AVEN: variants seen among roughly 807,000 people sequenced by gnomAD.
AVEN encodes apoptosis and caspase activation inhibitor, also known as cell death regulator Aven.
In AVEN, 41 loss-of-function variants were observed where a neutral mutation model predicts 38.1. The ratio of observed to expected loss-of-function variants is 1.08; its 90% CI spans 0.84 to 1.40. AVEN has a LOEUF of 1.40. Among genes scored for constraint, AVEN ranks in the 40% most tolerant of loss-of-function variants. The probability of loss-of-function intolerance (pLI) is 0.00; values close to 1 mark genes in which losing one functional copy is unlikely to be tolerated. For missense variants in AVEN, 605 were observed against 438.8 expected (o/e 1.38, Z -3.38); for synonymous variants, 206 against 171.8 (o/e 1.20, Z -1.56).
At chr15:33,926,322 T>C (rs1893605809) in intron 2 of AVEN, among the ~76,000 whole-genome samples, 1 of 152,148 alleles carries the variant, frequency 6.6e-6, no homozygotes, top group South Asian at 2.1e-4. Flanking sequence ...GAAAACAAAA[T>C]ACATCCCTAC....
At chr15:34,008,207 G>A (rs1597342807) in intron 1 of AVEN, among the ~76,000 whole-genome samples, 1 of 152,034 alleles carries the variant, frequency 6.6e-6, no homozygotes, top group African/African-American at 2.4e-5. Flanking sequence ...GATTGCTTGA[G>A]GCCAGGAGTT....
intron 2 of AVEN, among the ~76,000 whole-genome samples, chr15:33,898,093 G>A (rs998274951): frequency 3.9e-5 from 6 of 152,072 alleles, no homozygotes; most frequent in African/African-American, 1.4e-4. Context: ...GGAGGCTGAG[G>A]CAGGAGAATG....
chr15:33,872,395 T>C (rs1891008260), intron 3 of AVEN, among the ~76,000 whole-genome samples: 1 of 152,192 alleles, frequency 6.6e-6, no homozygotes, highest in South Asian at 2.1e-4. Flanking sequence ...TCAATCAGAC[T>C]ATTACATCCT....
At chr15:33,903,266 C>T (rs1892560524) in intron 2 of AVEN, among the ~76,000 whole-genome samples, 1 of 152,218 alleles carries the variant, frequency 6.6e-6, no homozygotes, top group Non-Finnish European at 1.5e-5. Flanking sequence ...GAGGCAGTAG[C>T]AGTGTCCACT....
chr15:33,859,726 T>C, intron 11 of AVEN: 1 of 1,607,440 alleles, frequency 6.2e-7, no homozygotes, highest in Non-Finnish European at 8.5e-7. Flanking sequence ...CTGGCCATCA[T>C]TCAAGGTATG....
At chr15:33,951,237 T>C (rs947784285) in intron 2 of AVEN, among the ~76,000 whole-genome samples, 9 of 152,150 alleles carry the variant, frequency 5.9e-5, no homozygotes, top group African/African-American at 2.2e-4. Flanking sequence ...GTTAAGTATT[T>C]TTTAGTCTCT....
intron 2 of AVEN, among the ~76,000 whole-genome samples, chr15:33,899,153 A>G (rs62014460): frequency 0.63 from 94,950 of 151,854 alleles, 30,206 homozygotes; most frequent in Middle Eastern, 0.73. Flanking sequence ...GACCACTGAG[A>G]GAGTTAACTG....
rs368098859 is a variant in AVEN at position 33,860,355 on chromosome 15, G to C, written n.2730-1261C>G. Among the ~76,000 whole-genome samples the C allele has an allele frequency of 3.9e-4, 59 of 152,304 alleles. 1 individual carries two copies. The South Asian group carries it at 0.011, about 28-fold the overall frequency. On this transcript the variant is annotated intron_variant and non_coding_transcript_variant, in intron 11 of 11. Coordinates refer to the AVEN transcript ENST00000675287. ...CAACCAGGGAGAAGTAGAAAGGAAA[G>C]AGTTTCAGGGAGGAGCAAGTAGTTA...
At chr15:33,864,245 A>T (rs1889613269), downstream of AVEN, 1 of 1,368,114 alleles carries the variant, frequency 7.3e-7, no homozygotes, top group Admixed American at 1.9e-5. Flanking sequence ...AAATCTTGAG[A>T]CTTAGTAGGG....
At position 34,062,554 on chromosome 15, in the gene AVEN, C is replaced by CAAAAA. The variant is rs10632153; in HGVS notation, n.1637+363_1637+367dup. 1,977 of 409,036 alleles carry CAAAAA rather than the reference C, an allele frequency of 4.8e-3. 1 individual carries two copies. Among genetic ancestry groups the CAAAAA allele is most frequent in the Non-Finnish European group, 5.8e-3 (1,445 of 249,578 alleles). 25.3% of individuals were successfully genotyped at this position (409,036 alleles called of 1,614,324 possible). On this transcript the variant is annotated intron_variant and non_coding_transcript_variant, in intron 5 of 11. Transcript: ENST00000675287. ...TGGGTGACAAAGCGAGATTCTGTCTCAAAAAAAAAAAAAAAAAAAACTATA... is the reference window on the plus strand; with the variant it reads ...TGGGTGACAAAGCGAGATTCTGTCTCAAAAAAAAAAAAAAAAAAAAAAAAACTATA...
intron 3 of AVEN, among the ~76,000 whole-genome samples, chr15:33,873,085 T>C (rs970014766): frequency 6.8e-6 from 1 of 146,952 alleles, no homozygotes; most frequent in Non-Finnish European, 1.5e-5. Flanking sequence ...TATTTCTACT[T>C]TTCCTTTTCT....
At chr15:34,028,813 C>T (rs774658421) in intron 1 of AVEN, among the ~76,000 whole-genome samples, 3 of 151,822 alleles carry the variant, frequency 2.0e-5, no homozygotes, top group Non-Finnish European at 4.4e-5. Flanking sequence ...TCTAACCAGT[C>T]TGTTAGACTG....
At chr15:33,874,742 T>TA (rs1463432518) in intron 3 of AVEN, among the ~76,000 whole-genome samples, 1 of 152,238 alleles carries the variant, frequency 6.6e-6, no homozygotes, top group Non-Finnish European at 1.5e-5. Context: ...CTCCATTTAA[T>TA]AAAAACATTT....
chr15:33,993,025 C>T (rs930402186), intron 2 of AVEN, among the ~76,000 whole-genome samples: 4 of 152,212 alleles, frequency 2.6e-5, no homozygotes, highest in Non-Finnish European at 5.9e-5. Flanking sequence ...ATTTTCCCCA[C>T]GTTTTCTTCA....
intron 1 of AVEN, among the ~76,000 whole-genome samples, chr15:34,074,027 C>G (rs1425959564): frequency 1.8e-5 from 2 of 112,436 alleles, no homozygotes; most frequent in Non-Finnish European, 3.2e-5. Context: ...AGACACAGTC[C>G]TGCTCTGTCA....
intron 2 of AVEN, among the ~76,000 whole-genome samples, chr15:33,996,489 G>T (rs1028716420): frequency 6.6e-5 from 10 of 152,190 alleles, no homozygotes; most frequent in African/African-American, 2.4e-4. Context: ...CCAGAGGAAG[G>T]ATCAGGCAGC....
At chr15:33,891,128 T>C (rs1891934926) in intron 2 of AVEN, among the ~76,000 whole-genome samples, 1 of 152,062 alleles carries the variant, frequency 6.6e-6, no homozygotes, top group South Asian at 2.1e-4. Flanking sequence ...CTAAAAGATA[T>C]ACTAAAATGT....
intron 2 of AVEN, among the ~76,000 whole-genome samples, chr15:33,883,464 C>T (rs1353020478): frequency 6.6e-6 from 1 of 152,102 alleles, no homozygotes; most frequent in African/African-American, 2.4e-5. Flanking sequence ...AATATTCAAT[C>T]AGTGGCACTC....
intron 5 of AVEN, among the ~76,000 whole-genome samples, chr15:34,054,019 T>G (rs1159261154): frequency 6.6e-6 from 1 of 152,156 alleles, no homozygotes; most frequent in African/African-American, 2.4e-5. Context: ...GCAAAGAACC[T>G]GTATGAACAA....
Sources: gnomAD v4.1 joint callset for allele counts (sites outside exome capture counted in the v4.1 genomes callset) on GRCh38, gnomAD v4.1.1 for gene constraint, MANE v1.5 for transcripts, NCBI Gene and HGNC (gene_info 2026-07-23, HGNC 2026-07-21) for gene names.